The following NRXN3 variants were observed in gnomAD, a reference collection of about 807,000 sequenced individuals.
NRXN3 encodes neurexin III.
A neutral mutation model predicts 137.6 loss-of-function variants in NRXN3; 32 were observed. The ratio of observed to expected loss-of-function variants is 0.23; its 90% confidence interval spans 0.18 to 0.31. The LOEUF (loss-of-function observed/expected upper bound fraction) is 0.31. Among genes scored for constraint, NRXN3 ranks in the 10% least tolerant of loss-of-function variants. The pLI is 1.00. For missense variants in NRXN3, 1,574 were observed against 2,062.5 expected (o/e 0.76, Z 4.59); for synonymous variants, 798 against 784.5 (o/e 1.02, Z -0.29).
At chr14:79,131,916 A>G (rs1274703077) in intron 15 of NRXN3, among the ~76,000 whole-genome samples, 2 of 152,248 alleles carry the variant, frequency 1.3e-5, no homozygotes, top group African/African-American at 2.4e-5. Context: ...AAAACACAGT[A>G]TTCGGGTGGG....
chr14:79,643,434 C>T lies in NRXN3; in HGVS notation c.3445-20344C>T, dbSNP rs1040222675. ...CTATTTTATCTGTTATAATTCCTCT[C>T]CTCTGCTTCTTCCCCAGCTGCTCAG... On this transcript the variant is annotated intron_variant, in intron 16 of 20. Transcript: ENST00000335750. Among the ~76,000 whole-genome samples, 2 of 134,672 alleles carry T rather than the reference C, an allele frequency of 1.5e-5. 1 individual carries two copies. Among genetic ancestry groups the T allele is most frequent in the African/African-American group, 4.9e-5 (2 of 40,566 alleles). The allele number at this position is 134,672 out of a possible 152,430, so 88.4% of individuals were successfully genotyped here.
At chr14:78,899,764 A>G (rs992377938) in intron 10 of NRXN3, among the ~76,000 whole-genome samples, 2 of 151,964 alleles carry the variant, frequency 1.3e-5, no homozygotes, top group African/African-American at 4.8e-5. Context: ...AATCTCTTAA[A>G]TGTTTCTATA....
intron 6 of NRXN3, among the ~76,000 whole-genome samples, chr14:78,658,462 C>T (rs2097802846): frequency 6.6e-6 from 1 of 152,088 alleles, no homozygotes; most frequent in African/African-American, 2.4e-5. Flanking sequence ...TTAATTGAAA[C>T]AAAATCAATT....
rs543416145 is a variant in NRXN3 at position 78,227,510 on chromosome 14, C to T, written c.-703-14881C>T. On this transcript the variant is annotated intron_variant, in intron 1 of 20. Coordinates refer to ENST00000335750, the MANE Select transcript of NRXN3 (RefSeq NM_001330195.2). ...CATGTTACATATGATGGTTTCTGTG[C>T]GTATTGCCTGTTTTCCATTCTCAGC... Among the ~76,000 whole-genome samples the T allele has an allele frequency of 4.6e-5, 7 of 152,280 alleles. No homozygotes were observed. In the East Asian group the frequency reaches 5.8e-4, roughly 13 times the overall value.
chr14:79,241,427 CAA>C (rs1229695717), intron 15 of NRXN3, among the ~76,000 whole-genome samples: 1 of 152,120 alleles, frequency 6.6e-6, no homozygotes, highest in South Asian at 2.1e-4. Flanking sequence ...TGGCGGAAAG[CAA>C]AAGAGAAGCA....
chr14:78,810,549 G>C (rs568063906), intron 10 of NRXN3, among the ~76,000 whole-genome samples: 3 of 152,054 alleles, frequency 2.0e-5, no homozygotes, highest in Non-Finnish European at 4.4e-5. Flanking sequence ...TCTGAAGTGA[G>C]GGCAGGTCCT....
chr14:79,480,532 C>T (rs770882724), intron 16 of NRXN3, among the ~76,000 whole-genome samples: 5 of 152,092 alleles, frequency 3.3e-5, no homozygotes, highest in Non-Finnish European at 5.9e-5. Flanking sequence ...GCAAAAACTA[C>T]AACATGATAC....
intron 19 of NRXN3, among the ~76,000 whole-genome samples, chr14:79,754,058 A>C (rs1037987517): frequency 2.0e-5 from 3 of 152,134 alleles, no homozygotes; most frequent in Non-Finnish European, 4.4e-5. Context: ...GCAGTGGCTC[A>C]TGCCTGTAAT....
chr14:79,108,963 A>C (rs1405678155), intron 15 of NRXN3, among the ~76,000 whole-genome samples: 2 of 152,194 alleles, frequency 1.3e-5, no homozygotes, highest in African/African-American at 4.8e-5. Flanking sequence ...ACAGCATTGG[A>C]GCACTCATTT....
intron 15 of NRXN3, among the ~76,000 whole-genome samples, chr14:79,384,256 T>G (rs894008465): frequency 2.6e-5 from 4 of 151,612 alleles, no homozygotes; most frequent in Non-Finnish European, 5.9e-5. Flanking sequence ...GAGAGGGAGG[T>G]GGGGGAAGAG....
At chr14:78,727,389 A>G (rs1208746211) in intron 8 of NRXN3, among the ~76,000 whole-genome samples, 1 of 152,182 alleles carries the variant, frequency 6.6e-6, no homozygotes, top group Non-Finnish European at 1.5e-5. Flanking sequence ...AGTTGGCAGG[A>G]TTCACTGGTA....
intron 15 of NRXN3, among the ~76,000 whole-genome samples, chr14:79,414,941 A>G (rs1772304511): frequency 6.6e-6 from 1 of 152,176 alleles, no homozygotes; most frequent in Admixed American, 6.6e-5. Flanking sequence ...TTCAATATAT[A>G]AGTGAGATCA....
chr14:79,030,214 T>C (rs1426193521), intron 15 of NRXN3, among the ~76,000 whole-genome samples: 1 of 151,736 alleles, frequency 6.6e-6, no homozygotes, highest in Non-Finnish European at 1.5e-5. Context: ...TCTTAGCCTC[T>C]ACATAGTAGA....
At chr14:79,158,720 C>T (rs527473689) in intron 15 of NRXN3, among the ~76,000 whole-genome samples, 2 of 151,882 alleles carry the variant, frequency 1.3e-5, no homozygotes, top group Admixed American at 6.6e-5. Flanking sequence ...TAAGCTCCAT[C>T]GGGTTCAAGA....
At chr14:79,149,289 A>G (rs1395803278) in intron 15 of NRXN3, among the ~76,000 whole-genome samples, 1 of 151,752 alleles carries the variant, frequency 6.6e-6, no homozygotes, top group Non-Finnish European at 1.5e-5. Flanking sequence ...TCACCATTCC[A>G]TAGCTATTTG....
chr14:78,334,012 A>G (rs1239976318), intron 4 of NRXN3, among the ~76,000 whole-genome samples: 1 of 152,106 alleles, frequency 6.6e-6, no homozygotes, highest in African/African-American at 2.4e-5. Context: ...GCTGGATTGA[A>G]TATGGGTGTG....
intron 16 of NRXN3, among the ~76,000 whole-genome samples, chr14:79,629,789 G>A (rs1319842283): frequency 7.9e-5 from 12 of 151,936 alleles, no homozygotes; most frequent in Non-Finnish European, 1.5e-5. Flanking sequence ...ATAAAGAACA[G>A]ATATGTTTTG....
chr14:78,489,916 CTTT>C (rs11342442), intron 4 of NRXN3, among the ~76,000 whole-genome samples: 13 of 140,492 alleles, frequency 9.3e-5, no homozygotes, highest in Admixed American at 1.4e-4. Flanking sequence ...GAGAGCTGGA[CTTT>C]TTTTTTTTTT....
chr14:78,918,285 C>CA (rs71454807), intron 10 of NRXN3, among the ~76,000 whole-genome samples: 4,124 of 34,304 alleles, frequency 0.12, 285 homozygotes, highest in East Asian at 0.28. Context: ...AACTCCATCT[C>CA]AAAAAAAAAA....
Sources: allele counts gnomAD v4.1 joint callset (sites outside exome capture counted in the v4.1 genomes callset), GRCh38; gene constraint gnomAD v4.1.1; transcripts MANE v1.5; gene names NCBI Gene and HGNC (gene_info 2026-07-23, HGNC 2026-07-21).